ADAMTS9: variants seen among roughly 807,000 people sequenced by gnomAD.
The protein encoded by ADAMTS9 is ADAM metallopeptidase with thrombospondin type 1 motif 9, also known as A disintegrin and metalloproteinase with thrombospondin motifs 9.
ADAMTS9 carries 107 observed loss-of-function variants against 257.1 expected under a neutral mutation model. The ratio of observed to expected loss-of-function variants is 0.42; its 90% CI spans 0.36 to 0.49. ADAMTS9 has a LOEUF of 0.49. Ranked by LOEUF, ADAMTS9 falls within the 20% of genes least tolerant of loss-of-function variation. The pLI is 0.03. For synonymous variants in ADAMTS9, 982 were observed against 880.9 expected (o/e 1.11, Z -2.03); for missense variants, 2,353 against 2,469.1 (o/e 0.95, Z 1.00).
chr3:64,657,357 G>C (rs1042909128), intron 4 of ADAMTS9, among the ~76,000 whole-genome samples: 3 of 151,914 alleles, frequency 2.0e-5, no homozygotes, highest in African/African-American at 7.3e-5. Flanking sequence ...TTCTTTTTGA[G>C]GCAGGGTCTC....
intron 3 of ADAMTS9, among the ~76,000 whole-genome samples, chr3:64,670,123 CCTCTGT>C (rs924253403): frequency 4.7e-5 from 4 of 85,794 alleles, no homozygotes; most frequent in Admixed American, 1.0e-4. Flanking sequence ...AACTCTTCTA[CCTCTGT>C]CTCTGTCTCA....
intron 32 of ADAMTS9, among the ~76,000 whole-genome samples, chr3:64,544,830 C>A (rs2083175544): frequency 6.6e-6 from 1 of 152,102 alleles, no homozygotes; most frequent in South Asian, 2.1e-4. Context: ...AACAGGCAAC[C>A]TACAGAATGG....
intron 3 of ADAMTS9, among the ~76,000 whole-genome samples, chr3:64,679,484 G>A (rs1016538624): frequency 5.3e-5 from 8 of 152,186 alleles, no homozygotes; most frequent in Admixed American, 4.6e-4. Context: ...TAAGGATTAA[G>A]CAAGGTGGTA....
chr3:64,607,885 T>C (rs1487767360), intron 22 of ADAMTS9, among the ~76,000 whole-genome samples: 3 of 152,098 alleles, frequency 2.0e-5, no homozygotes, highest in African/African-American at 7.2e-5. Context: ...AGAGAGACCA[T>C]ACGTTAGGCT....
At chr3:64,536,601 G>A (rs1052878154) in intron 37 of ADAMTS9, among the ~76,000 whole-genome samples, 2 of 152,188 alleles carry the variant, frequency 1.3e-5, no homozygotes, top group African/African-American at 4.8e-5. Context: ...TTCAAATCCA[G>A]ACTCTACTGA....
intron 28 of ADAMTS9, among the ~76,000 whole-genome samples, chr3:64,574,559 CAAAAAAA>C (rs34194727): frequency 9.9e-5 from 8 of 80,776 alleles, no homozygotes; most frequent in Non-Finnish European, 2.2e-4. Context: ...CCCATCTCTA[CAAAAAAA>C]AAAAAAAAAA....
chr3:64,687,661 G>T lies in ADAMTS9; in HGVS notation c.-4C>A, dbSNP rs1280809340. 2.0e-6 allele frequency: 3 copies of T among 1,530,282 alleles called. No individual in the cohort carries two copies. Among genetic ancestry groups the T allele is most frequent in the Non-Finnish European group, 2.6e-6 (3 of 1,135,282 alleles). 94.8% of individuals were successfully genotyped at this position (1,530,282 alleles called of 1,614,324 possible). On this transcript the variant is annotated 5_prime_UTR_variant, in exon 1 of 40. Coordinates refer to ENST00000498707, the MANE Select transcript of ADAMTS9 (RefSeq NM_182920.2). The surrounding 1 kb of genome is among the most constrained non-coding windows in gnomAD (Gnocchi z 4.4). ...TGGCCCAGGATACAAACTGCATGGT[G>T]CTTCCCACCCCTCCCTCCGCTGCCC...
chr3:64,557,298 G>A (rs182976597), intron 30 of ADAMTS9, among the ~76,000 whole-genome samples: 5 of 152,276 alleles, frequency 3.3e-5, no homozygotes, highest in Admixed American at 3.3e-4. Flanking sequence ...CAGATGCATG[G>A]CCCCATACGA....
intron 38 of ADAMTS9, among the ~76,000 whole-genome samples, chr3:64,531,109 G>T (rs764656586): frequency 6.6e-6 from 1 of 152,054 alleles, no homozygotes; most frequent in Non-Finnish European, 1.5e-5. Flanking sequence ...TTAGTTAATC[G>T]GATTTGAGGA....
chr3:64,631,771 A>G lies in ADAMTS9; in HGVS notation c.2293+37T>C, dbSNP rs1416691077. 15 of 1,541,864 alleles carry G rather than the reference A, an allele frequency of 9.7e-6. No individual in the cohort carries two copies. The East Asian group carries it at 2.9e-4, about 30-fold the overall frequency. ...GGTTAACAATTTTCAAACTTTGACC[A>G]TATTCCTTCTCATGGTTCTTAGGAG... On this transcript the variant is annotated intron_variant, in intron 15 of 39. Coordinates refer to ENST00000498707, the MANE Select transcript of ADAMTS9 (RefSeq NM_182920.2).
chr3:64,670,235 T>C (rs1050472833), intron 3 of ADAMTS9, among the ~76,000 whole-genome samples: 3 of 152,190 alleles, frequency 2.0e-5, no homozygotes, highest in Non-Finnish European at 2.9e-5. Context: ...CATTCTTACC[T>C]ATGCAGAGGC....
chr3:64,642,047 G>A, intron 11 of ADAMTS9, 54 bp from the exon 12 acceptor site: 2 of 1,598,950 alleles, frequency 1.3e-6, no homozygotes, highest in Non-Finnish European at 1.7e-6. Context: ...AGTTGTTACA[G>A]GACTGGCTGT....
intron 29 of ADAMTS9, chr3:64,565,918 T>C (rs1166878537): frequency 6.6e-6 from 1 of 152,188 alleles, no homozygotes; most frequent in Non-Finnish European, 1.5e-5. Context: ...AGAAGTGAAA[T>C]ATTCCACTTT....
intron 10 of ADAMTS9, among the ~76,000 whole-genome samples, chr3:64,648,934 G>A (rs1172208150): frequency 1.3e-5 from 2 of 152,106 alleles, no homozygotes; most frequent in East Asian, 3.9e-4. Context: ...TATTTCCATG[G>A]AATACTATTG....
intron 9 of ADAMTS9, 86 bp from the exon 10 acceptor site, chr3:64,649,864 T>C (rs1205517097): frequency 4.7e-5 from 69 of 1,457,134 alleles, no homozygotes; most frequent in Non-Finnish European, 5.7e-5. Flanking sequence ...CACCCCACCA[T>C]TGTAATGGTA....
intron 3 of ADAMTS9, among the ~76,000 whole-genome samples, chr3:64,670,057 C>T (rs1371975165): frequency 6.6e-6 from 1 of 152,176 alleles, no homozygotes; most frequent in Non-Finnish European, 1.5e-5. Context: ...TATTCTATCC[C>T]TCTTCAGCAG....
intron 30 of ADAMTS9, 75 bp from the exon 31 acceptor site, chr3:64,551,137 G>A: frequency 6.7e-7 from 1 of 1,493,790 alleles, no homozygotes; most frequent in Non-Finnish European, 9.2e-7. Context: ...GTGTTTACCT[G>A]TCTACATAGC....
chr3:64,628,906 A>C (rs990018963), intron 16 of ADAMTS9, among the ~76,000 whole-genome samples: 1 of 152,128 alleles, frequency 6.6e-6, no homozygotes, highest in East Asian at 1.9e-4. Context: ...TAACTTTAAA[A>C]CACTAGTGGT....
intron 20 of ADAMTS9, 49 bp from the exon 21 acceptor site, chr3:64,615,534 A>G: frequency 6.5e-7 from 1 of 1,540,576 alleles, no homozygotes; most frequent in Non-Finnish European, 8.8e-7. Flanking sequence ...TTTCTTATAA[A>G]GTATGCTGAA....
Sources: gnomAD v4.1 joint callset for allele counts (sites outside exome capture counted in the v4.1 genomes callset) on GRCh38, gnomAD v4.1.1 for gene constraint, Gnocchi (gnomAD v3.1) non-coding constraint, MANE v1.5 for transcripts, NCBI Gene and HGNC (gene_info 2026-07-23, HGNC 2026-07-21) for gene names.